The following PRIM2 variants were observed in gnomAD, a reference collection of about 807,000 sequenced individuals.
The protein encoded by PRIM2 is DNA primase subunit 2, also known as DNA primase large subunit.
PRIM2 carries 39 observed loss-of-function variants against 67.3 expected under a neutral mutation model. The ratio of observed to expected loss-of-function variants is 0.58; its 90% confidence interval spans 0.45 to 0.76. PRIM2 has a LOEUF of 0.76. Ranked by LOEUF, PRIM2 falls within the 30% of genes least tolerant of loss-of-function variation. PRIM2 has a pLI of 0.00. For missense variants in PRIM2, 398 were observed against 598.7 expected (o/e 0.66, Z 3.50); for synonymous variants, 143 against 198.7 (o/e 0.72, Z 2.36).
intron 10 of PRIM2, among the ~76,000 whole-genome samples, chr6:57,553,123 A>T (rs1276468792): frequency 6.6e-6 from 1 of 152,190 alleles, no homozygotes; most frequent in Non-Finnish European, 1.5e-5. Flanking sequence ...GAATGGTAAA[A>T]GCTTGACATT....
chr6:57,334,950 C>T (rs1218505334), intron 5 of PRIM2, among the ~76,000 whole-genome samples: 4 of 152,030 alleles, frequency 2.6e-5, no homozygotes, highest in East Asian at 1.9e-4. Flanking sequence ...TCTGAGGTAC[C>T]GGGTTCATCT....
intron 7 of PRIM2, among the ~76,000 whole-genome samples, chr6:57,426,043 TATG>T (rs1771613501): frequency 1.3e-5 from 2 of 152,300 alleles, no homozygotes; most frequent in East Asian, 1.9e-4. Flanking sequence ...TTAATTCAAA[TATG>T]ATAATTGAAG....
At chr6:57,251,978 C>A in the PRIM2 span, among the ~76,000 whole-genome samples, 72 of 152,288 alleles carry the variant, frequency 4.7e-4, no homozygotes, top group South Asian at 1.7e-3. Flanking sequence ...AATCAAGCAA[C>A]CTTTAACCTT....
chr6:57,545,049 G>A (rs1775257126), intron 10 of PRIM2, among the ~76,000 whole-genome samples: 1 of 152,102 alleles, frequency 6.6e-6, no homozygotes, highest in East Asian at 1.9e-4. Context: ...TAGAATTTAA[G>A]TCATTTTAGT....
At chr6:57,609,058 T>G in intron 12 of PRIM2, among the ~76,000 whole-genome samples, 1 of 152,232 alleles carries the variant, frequency 6.6e-6, no homozygotes, top group East Asian at 1.9e-4. Flanking sequence ...TACTTAACTT[T>G]CTGTCTCATA....
At chr6:57,264,667 G>A in the PRIM2 span, among the ~76,000 whole-genome samples, 1 of 148,448 alleles carries the variant, frequency 6.7e-6, no homozygotes, top group Non-Finnish European at 1.5e-5. Context: ...CACAGTCTTG[G>A]CTCACGGCAA....
chr6:57,349,675 G>T (rs1489833368), intron 5 of PRIM2, among the ~76,000 whole-genome samples: 1 of 151,940 alleles, frequency 6.6e-6, no homozygotes, highest in Non-Finnish European at 1.5e-5. Context: ...ACATTCTTGC[G>T]TGTAGTATTA....
At chr6:57,347,329 T>C (rs1391723273) in intron 5 of PRIM2, among the ~76,000 whole-genome samples, 1 of 152,240 alleles carries the variant, frequency 6.6e-6, no homozygotes, top group African/African-American at 2.4e-5. Flanking sequence ...TATTAAGGTT[T>C]AGATTTATCT....
intron 7 of PRIM2, among the ~76,000 whole-genome samples, chr6:57,478,479 T>A (rs2127404734): frequency 6.6e-6 from 1 of 152,218 alleles, no homozygotes; most frequent in Non-Finnish European, 1.5e-5. Flanking sequence ...TAGCTGGGAC[T>A]GCAGGCAAGA....
At chr6:57,248,771 G>A in the PRIM2 span, among the ~76,000 whole-genome samples, 1 of 152,218 alleles carries the variant, frequency 6.6e-6, no homozygotes, top group Non-Finnish European at 1.5e-5. Flanking sequence ...TGAAAAGGGA[G>A]TAGCCTCTGA....
intron 7 of PRIM2, among the ~76,000 whole-genome samples, chr6:57,418,405 T>TTTTTTTTTTTTTA (rs1771351107): frequency 7.6e-6 from 1 of 131,422 alleles, no homozygotes. Flanking sequence ...TTTTTTTTTT[T>TTTTTTTTTTTTTA]TTTTTTTTTT....
intron 13 of PRIM2, among the ~76,000 whole-genome samples, chr6:57,634,470 C>T (rs1252053075): frequency 1.3e-5 from 2 of 152,248 alleles, no homozygotes; most frequent in Non-Finnish European, 2.9e-5. Context: ...GCCAGATAAG[C>T]CATGTTTGGC....
the PRIM2 span, among the ~76,000 whole-genome samples, chr6:57,258,417 G>T: frequency 6.6e-6 from 1 of 152,082 alleles, no homozygotes; most frequent in African/African-American, 2.4e-5. Flanking sequence ...TCTTTATTTG[G>T]TTAACACTAT....
At chr6:57,591,202 A>T (rs1776276305) in intron 10 of PRIM2, among the ~76,000 whole-genome samples, 3 of 152,222 alleles carry the variant, frequency 2.0e-5, no homozygotes, top group African/African-American at 7.2e-5. Context: ...GTTACATAAG[A>T]ATTTAAAAGG....
intron 7 of PRIM2, among the ~76,000 whole-genome samples, chr6:57,504,735 A>G (rs1581958282): frequency 1.3e-5 from 2 of 152,230 alleles, no homozygotes; most frequent in African/African-American, 4.8e-5. Context: ...TGGAAGCCAA[A>G]GTCGATTTAA....
intron 8 of PRIM2, among the ~76,000 whole-genome samples, chr6:57,523,151 A>G (rs1774661781): frequency 6.6e-6 from 1 of 152,270 alleles, no homozygotes; most frequent in Admixed American, 6.5e-5. Context: ...GATGATGTTT[A>G]TTACAATTTA....
intron 5 of PRIM2, among the ~76,000 whole-genome samples, chr6:57,328,201 C>T (rs1330180104): frequency 6.6e-6 from 1 of 152,126 alleles, no homozygotes; most frequent in Non-Finnish European, 1.5e-5. Context: ...ATTTATTGAG[C>T]TAGAATTCAC....
At chr6:57,395,387 A>G (rs28868592) in intron 7 of PRIM2, among the ~76,000 whole-genome samples, 2 of 152,046 alleles carry the variant, frequency 1.3e-5, no homozygotes, top group Non-Finnish European at 2.9e-5. Context: ...GATTTAAGCT[A>G]GGAGGTTTGT....
chr6:57,352,327 G>A lies in PRIM2; in HGVS notation c.459+26282G>A, dbSNP rs547665243. 1.4e-3 allele frequency among the ~76,000 whole-genome samples: 207 copies of A among 151,532 alleles called. 5 individuals are homozygous for A. In the East Asian group the frequency reaches 0.017, roughly 13 times the overall value. ...GTGATCTCGGCTCACGGCATCCTCCGCCTCCCAGGTTTAAGCAATTCTCCT... is the reference window on the plus strand; with the variant it reads ...GTGATCTCGGCTCACGGCATCCTCCACCTCCCAGGTTTAAGCAATTCTCCT... On this transcript the variant is annotated intron_variant, in intron 5 of 13. Coordinates refer to ENST00000615550, the MANE Select transcript of PRIM2 (RefSeq NM_000947.5).
Sources: gnomAD v4.1 joint callset for allele counts (sites outside exome capture counted in the v4.1 genomes callset) on GRCh38, gnomAD v4.1.1 for gene constraint, MANE v1.5 for transcripts, NCBI Gene and HGNC (gene_info 2026-07-23, HGNC 2026-07-21) for gene names.